Variants in SYTL3 observed in about 807,000 individuals in gnomAD.
SYTL3 encodes the protein synaptotagmin-like protein 3.
SYTL3 carries 88 observed loss-of-function variants against 82.1 expected under a neutral mutation model. The observed-to-expected ratio is 1.07, with a 90% CI of 0.90 to 1.28. The LOEUF (loss-of-function observed/expected upper bound fraction) is 1.28. Ranked by LOEUF, SYTL3 falls within the 50% of genes most tolerant of loss-of-function variation. The pLI is 0.00. For synonymous variants in SYTL3, 311 were observed against 289.4 expected, an observed-to-expected ratio of 1.07 and a Z score of -0.76; for missense variants, 831 against 757.6, an observed-to-expected ratio of 1.10 and a Z score of -1.14.
chr6:158,734,028 G>C (rs868100248), intron 11 of SYTL3, among the ~76,000 whole-genome samples: 6 of 144,730 alleles, frequency 4.1e-5, no homozygotes, highest in African/African-American at 7.9e-5. Context: ...CTGGGAGGTG[G>C]AGCTTGCAGT....
intron 13 of SYTL3, among the ~76,000 whole-genome samples, chr6:158,754,642 C>T (rs1437974707): frequency 6.6e-6 from 1 of 152,226 alleles, no homozygotes; most frequent in African/African-American, 2.4e-5. Flanking sequence ...ATGGCGTGAA[C>T]CTGGAAGGCG....
At chr6:158,658,143 C>T (rs1442126723) in intron 2 of SYTL3, among the ~76,000 whole-genome samples, 1 of 152,240 alleles carries the variant, frequency 6.6e-6, no homozygotes, top group Non-Finnish European at 1.5e-5. Flanking sequence ...CCGCCTGCCT[C>T]AGCCTCCCAA....
chr6:158,721,126 C>A (rs1784064347), intron 10 of SYTL3, among the ~76,000 whole-genome samples: 1 of 152,158 alleles, frequency 6.6e-6, no homozygotes, highest in South Asian at 2.1e-4. Context: ...ATGCGTGTGT[C>A]CACTTCTCAG....
intron 8 of SYTL3, among the ~76,000 whole-genome samples, chr6:158,712,240 C>T (rs777405828): frequency 2.6e-5 from 4 of 152,140 alleles, no homozygotes; most frequent in Non-Finnish European, 5.9e-5. Context: ...TATTTGTTCT[C>T]CTTGGGCCCC....
Position 158,663,192 on chromosome 6 carries a change from C to CG in SYTL3, c.-76dup, listed in dbSNP as rs1789568596. On this transcript the variant is annotated 5_prime_UTR_variant, in exon 4 of 18. Coordinates refer to ENST00000611299, the MANE Select transcript of SYTL3 (RefSeq NM_001242394.2). ...AAGGCTGGCTGCAGCTGGCCTCCGC[C>CG]GCTCATCTGCAGGGCGTGAGCGCTT... The CG allele has an allele frequency of 7.5e-7, 1 of 1,330,816 alleles. No individual in the cohort carries two copies. The highest frequency in any genetic ancestry group is 1.1e-6 in the Non-Finnish European group (1 of 933,720). The allele number at this position is 1,330,816 out of a possible 1,614,324, so 82.4% of individuals were successfully genotyped here.
At chr6:158,739,592 C>A (rs1024055483) in intron 11 of SYTL3, among the ~76,000 whole-genome samples, 1 of 152,020 alleles carries the variant, frequency 6.6e-6, no homozygotes, top group African/African-American at 2.4e-5. Flanking sequence ...CTGTCTCTTT[C>A]TCTCCCTCTC....
chr6:158,762,932 G>C (rs1583529263), intron 16 of SYTL3, among the ~76,000 whole-genome samples: 1 of 152,256 alleles, frequency 6.6e-6, no homozygotes, highest in East Asian at 1.9e-4. Context: ...AAGGAGAACT[G>C]AGCTTATGTT....
intron 11 of SYTL3, among the ~76,000 whole-genome samples, chr6:158,737,548 G>A (rs1035524315): frequency 1.1e-4 from 17 of 152,184 alleles, no homozygotes; most frequent in East Asian, 1.9e-4. Context: ...TTCCTTTGCC[G>A]TTACCCAGAT....
chr6:158,750,641 T>G (rs1788273764), intron 12 of SYTL3, among the ~76,000 whole-genome samples: 1 of 151,950 alleles, frequency 6.6e-6, no homozygotes, highest in Admixed American at 6.6e-5. Flanking sequence ...ACTTCGGGCG[T>G]CGAGTAGCTG....
chr6:158,680,486 C>T (rs1271101441), intron 5 of SYTL3, among the ~76,000 whole-genome samples: 1 of 150,842 alleles, frequency 6.6e-6, no homozygotes, highest in Non-Finnish European at 1.5e-5. Context: ...TGCCTGTAAT[C>T]CCAGCACTTT....
Position 158,764,500 on chromosome 6 carries a change from G to A in SYTL3, c.1729G>A (p.Asp577Asn), listed in dbSNP as rs1790524628. The A allele has an allele frequency of 1.9e-6, 3 of 1,612,956 alleles. No individual in the cohort carries two copies. The South Asian group carries it at 3.3e-5, about 18-fold the overall frequency. ...ATTGTCTTCCTCTCTTACAGAGGGAGACACAGCTGTTGGCGGGGATGCATG... is the reference window on the plus strand; with the variant it reads ...ATTGTCTTCCTCTCTTACAGAGGGAAACACAGCTGTTGGCGGGGATGCATG... ...LGGTRLGSKG[D>N]TAVGGDACSL... Residue 577 changes from aspartate (D) to asparagine (N), a missense_variant, in exon 18 of 18, where the codon GAC becomes AAC. By Grantham distance (23) the Asp-to-Asn change is conservative (BLOSUM62 1). Coordinates refer to ENST00000611299, the MANE Select transcript of SYTL3 (RefSeq NM_001242394.2).
At chr6:158,690,000 C>T (rs1435118333) in intron 6 of SYTL3, among the ~76,000 whole-genome samples, 2 of 152,164 alleles carry the variant, frequency 1.3e-5, no homozygotes, top group African/African-American at 2.4e-5. Flanking sequence ...CCTCCCAATC[C>T]TTGATGTTCC....
intron 4 of SYTL3, among the ~76,000 whole-genome samples, chr6:158,664,420 G>A (rs1046286057): frequency 6.6e-6 from 1 of 152,122 alleles, no homozygotes; most frequent in African/African-American, 2.4e-5. Flanking sequence ...GCAGGTGCCT[G>A]TAATCCCAGC....
chr6:158,685,216 CTT>C (rs545473762), intron 6 of SYTL3, among the ~76,000 whole-genome samples: 38 of 135,576 alleles, frequency 2.8e-4, no homozygotes, highest in East Asian at 1.9e-3. Flanking sequence ...CTCTCTCTCT[CTT>C]TTTTTTTTTT....
intron 6 of SYTL3, among the ~76,000 whole-genome samples, chr6:158,692,105 A>C (rs1208277269): frequency 6.7e-6 from 1 of 148,442 alleles, no homozygotes; most frequent in East Asian, 2.0e-4. Context: ...AAAATACACA[A>C]AAATTAGCCG....
At chr6:158,656,909 A>G (rs1788745016) in intron 2 of SYTL3, among the ~76,000 whole-genome samples, 1 of 152,226 alleles carries the variant, frequency 6.6e-6, no homozygotes, top group African/African-American at 2.4e-5. Context: ...AACCAAAAGC[A>G]TTCAAGAGAG....
At chr6:158,717,625 G>A (rs952544661) in intron 9 of SYTL3, among the ~76,000 whole-genome samples, 1 of 152,118 alleles carries the variant, frequency 6.6e-6, no homozygotes, top group African/African-American at 2.4e-5. Context: ...TAATTGTTAT[G>A]AGGACACCCC....
intron 7 of SYTL3, among the ~76,000 whole-genome samples, chr6:158,707,730 T>C (rs1377575949): frequency 3.3e-5 from 5 of 152,238 alleles, no homozygotes; most frequent in African/African-American, 9.6e-5. Flanking sequence ...CACAAAATTC[T>C]AAAAACTGAG....
At chr6:158,729,542 T>C (rs1462796456) in intron 11 of SYTL3, among the ~76,000 whole-genome samples, 1 of 151,918 alleles carries the variant, frequency 6.6e-6, no homozygotes. Flanking sequence ...CCTTTCCAAG[T>C]GTACTGTACT....
Sources: gnomAD v4.1 joint callset for allele counts (sites outside exome capture counted in the v4.1 genomes callset) on GRCh38, gnomAD v4.1.1 for gene constraint, MANE v1.5 for transcripts, NCBI Gene and HGNC (gene_info 2026-07-23, HGNC 2026-07-21) for gene names.